The following PDS5A variants were observed in gnomAD, a reference collection of about 807,000 sequenced individuals.
The protein encoded by PDS5A is sister chromatid cohesion protein PDS5 homolog A.
PDS5A carries 42 observed loss-of-function variants against 167.1 expected under a neutral mutation model. The ratio of observed to expected loss-of-function variants is 0.25; its 90% confidence interval spans 0.20 to 0.33. PDS5A has a LOEUF of 0.33. Among genes scored for constraint, PDS5A ranks in the 10% least tolerant of loss-of-function variants. The probability of loss-of-function intolerance (pLI) is 1.00; values close to 1 mark genes in which losing one functional copy is unlikely to be tolerated. For synonymous variants in PDS5A, 553 were observed against 554.6 expected (o/e 1.00, Z 0.04); for missense variants, 1,033 against 1,605.9 (o/e 0.64, Z 6.10).
At chr4:39,844,022 T>C (rs1717325266) in intron 30 of PDS5A, among the ~76,000 whole-genome samples, 1 of 151,836 alleles carries the variant, frequency 6.6e-6, no homozygotes, top group Non-Finnish European at 1.5e-5. Flanking sequence ...TGGTGGTGCA[T>C]GCCTGTAGTC....
chr4:39,873,077 T>C lies in PDS5A; in HGVS notation c.2345A>G (p.His782Arg). The C allele has an allele frequency of 1.9e-6, 3 of 1,559,984 alleles. No individual in the cohort carries two copies. The highest frequency in any genetic ancestry group is 2.6e-6 in the Non-Finnish European group (3 of 1,142,792). Residue 782 changes from histidine (H) to arginine (R), a missense_variant, in exon 21 of 33, where the codon CAC (histidine) becomes CGC (arginine). Physicochemically the swap from His to Arg is conservative, Grantham distance 29 (BLOSUM62 0). Coordinates refer to ENST00000303538, the MANE Select transcript of PDS5A (RefSeq NM_001100399.2). Reference sequence around the variant, plus strand: ...CTGATCTGGTGCTAACATAGAAATGTGGCCCAATGAAACTAATGGAGTTAT... The same window carrying C: ...CTGATCTGGTGCTAACATAGAAATGCGGCCCAATGAAACTAATGGAGTTAT... ...QLITPLVSLG[H>R]ISMLAPDQFA...
chr4:39,914,699 TA>T (rs1175514112), intron 8 of PDS5A, among the ~76,000 whole-genome samples: 2 of 152,324 alleles, frequency 1.3e-5, no homozygotes, highest in Non-Finnish European at 2.9e-5. Context: ...TGCCATGCTT[TA>T]ATGTAAAATA....
intron 14 of PDS5A, among the ~76,000 whole-genome samples, 161 bp from the exon 15 acceptor site, chr4:39,898,986 A>G (rs887553401): frequency 2.0e-5 from 3 of 152,188 alleles, no homozygotes; most frequent in Admixed American, 1.3e-4. Flanking sequence ...TATATACGCT[A>G]AACTAACAAC....
At chr4:39,917,024 A>T in intron 8 of PDS5A, 24 bp downstream of exon 8, 1 of 1,400,066 alleles carries the variant, frequency 7.1e-7, no homozygotes, top group Non-Finnish European at 9.4e-7. Flanking sequence ...TTAAAAAAAA[A>T]AAAAGAAAAC....
At chr4:39,860,277 C>T (rs548387986) in intron 26 of PDS5A, among the ~76,000 whole-genome samples, 107 of 152,040 alleles carry the variant, frequency 7.0e-4, no homozygotes, top group African/African-American at 2.5e-3. Context: ...CCAGCCTGGG[C>T]AACATGGTGA....
rs774740163 is a variant in PDS5A, at chr4:39,837,913, T to A, written c.3953A>T (p.Lys1318Ile). ...GLEAGNAKAP[K>I]LQDLAKKAAP... ...TGCCTTTTTGGCTAAATCTTGCAGT[T>A]TGGGTGCTTTGGCATTACCTGCTTC... The change falls in exon 32 of 33, where the codon AAA (lysine) becomes ATA (isoleucine). Residue 1318 changes from lysine to isoleucine, a missense_variant. This residue lies in a region of PDS5A where 233 missense variants were observed against 264.0 expected (regional missense o/e 0.88). Coordinates refer to ENST00000303538, the MANE Select transcript of PDS5A (RefSeq NM_001100399.2). The A allele has an allele frequency of 1.2e-6, 2 of 1,613,756 alleles. No individual in the cohort carries two copies. The highest frequency in any genetic ancestry group is 8.5e-7 in the Non-Finnish European group (1 of 1,179,870).
chr4:39,888,522 T>C (rs1158757117), intron 17 of PDS5A, among the ~76,000 whole-genome samples: 4 of 152,002 alleles, frequency 2.6e-5, no homozygotes, highest in South Asian at 4.1e-4. Context: ...CTATTCACAA[T>C]AGCCAAATAT....
chr4:39,898,451 G>T lies in PDS5A; in HGVS notation c.1708C>A (p.Arg570=). The change falls in exon 16 of 33, where the codon CGG becomes AGG. Residue 570 remains arginine, a synonymous_variant. Transcript: ENST00000303538. ...CTAATTAATAACTCCAACTGAGACCGAAGTTTCTCATCATCGCCGAGAACC... is the reference window on the plus strand; with the variant it reads ...CTAATTAATAACTCCAACTGAGACCTAAGTTTCTCATCATCGCCGAGAACC... ...NQVLGDDEKL[R]SQLELLISPT... 6.3e-7 allele frequency: 1 copy of T among 1,599,034 alleles called. No homozygotes were observed. Among genetic ancestry groups the T allele is most frequent in the South Asian group, 1.1e-5 (1 of 88,200 alleles).
rs368997067 is a variant in PDS5A at position 39,958,667 on chromosome 4, T to G, written c.138+17773A>C. 9.2e-5 allele frequency among the ~76,000 whole-genome samples: 14 copies of G among 151,398 alleles called. No individual in the cohort carries two copies. In the East Asian group the frequency reaches 1.2e-3, roughly 13 times the overall value. On this transcript the variant is annotated intron_variant, in intron 2 of 32. Transcript: ENST00000303538. The stretch of plus-strand genomic sequence containing the variant: ...TCTCACTCTATCACCTAGGCTGGAG[T>G]GCAGTGGCACAATCTCTGCTCACTG...
Position 39,824,370 on chromosome 4 carries a change from C to A in PDS5A, c.*1115G>T, listed in dbSNP as rs1715093181. On this transcript the variant is annotated 3_prime_UTR_variant, in exon 33 of 33. Transcript: ENST00000303538. Reference sequence around the variant, plus strand: ...AAAAACTTAAATATGATTATGTGTACACATAAAGTGCACACATTACCTATG... The same window carrying A: ...AAAAACTTAAATATGATTATGTGTAAACATAAAGTGCACACATTACCTATG... The A allele has an allele frequency of 6.6e-6, 1 of 152,098 alleles. No individual in the cohort carries two copies. Among genetic ancestry groups the A allele is most frequent in the African/African-American group, 2.4e-5 (1 of 41,428 alleles). The allele number at this position is 152,098 out of a possible 1,614,324, so 9.4% of individuals were successfully genotyped here. A position where few individuals can be genotyped will look rare whatever the true frequency, so the allele number is the denominator to read the frequency against.
At chr4:39,898,230 AAATAG>A in intron 16 of PDS5A, 154 bp downstream of exon 16, 1 of 1,302,212 alleles carries the variant, frequency 7.7e-7, no homozygotes, top group Non-Finnish European at 9.8e-7. Context: ...AGTGAATGGT[AAATAG>A]AGAATTAACT....
intron 11 of PDS5A, among the ~76,000 whole-genome samples, chr4:39,906,917 T>TAAAATAAAAAAAAA (rs1320189136): frequency 7.4e-5 from 4 of 54,034 alleles, no homozygotes; most frequent in Admixed American, 2.0e-4. Context: ...ATTTCTTACA[T>TAAAATAAAAAAAAA]AAAAAAAAAA....
chr4:39,918,859 T>C (rs1340110482), intron 7 of PDS5A, among the ~76,000 whole-genome samples: 2 of 152,048 alleles, frequency 1.3e-5, no homozygotes, highest in Non-Finnish European at 2.9e-5. Flanking sequence ...TCTCTAATCA[T>C]TCCCACTGGA....
At position 39,973,999 on chromosome 4, in the gene PDS5A, G is replaced by A. The variant is rs576778038; in HGVS notation, c.138+2441C>T. Reference sequence around the variant, plus strand: ...AAATTAGCCGGGCATGATGGCGGGCGCCCGTGGTCCCAGCTACTCGGGAGG... The same window carrying A: ...AAATTAGCCGGGCATGATGGCGGGCACCCGTGGTCCCAGCTACTCGGGAGG... On this transcript the variant is annotated intron_variant, in intron 2 of 32. Coordinates refer to ENST00000303538, the MANE Select transcript of PDS5A (RefSeq NM_001100399.2). 514 of 457,024 alleles carry A rather than the reference G, an allele frequency of 1.1e-3. 17 individuals carry two copies. Among genetic ancestry groups the A allele is most frequent in the South Asian group, 9.6e-3 (488 of 50,714 alleles). The allele number at this position is 457,024 out of a possible 1,614,324, so 28.3% of individuals were successfully genotyped here.
In PDS5A at chr4:39,844,775, T is replaced by C. The variant is rs373663361; in HGVS notation, c.3429A>G (p.Ala1143=). 79 of 1,612,336 alleles carry C rather than the reference T, an allele frequency of 4.9e-5. No homozygotes were observed. In the African/African-American group the frequency reaches 8.7e-4, roughly 18 times the overall value. Residue 1143 remains alanine, a synonymous_variant, in exon 30 of 33, where the codon GCA becomes GCG. Coordinates refer to ENST00000303538, the MANE Select transcript of PDS5A (RefSeq NM_001100399.2). ...CCGTTGCTGATAAAGGCTTATTTAC[T>C]GCACCTAGTACTCCAGCAGGCTTTG... ...GKPKPAGVLG[A]VNKPLSATGR... is the part of the protein sequence containing the mutation.
chr4:39,837,964 A>C lies in PDS5A; in HGVS notation c.3902T>G (p.Val1301Gly). The C allele has an allele frequency of 1.9e-6, 3 of 1,614,002 alleles. No homozygotes were observed. Among genetic ancestry groups the C allele is most frequent in the Non-Finnish European group, 2.5e-6 (3 of 1,179,872 alleles). The change falls in exon 32 of 33, where the codon GTG becomes GGG. Residue 1301 changes from valine (V) to glycine (G), a missense_variant. Coordinates refer to ENST00000303538, the MANE Select transcript of PDS5A (RefSeq NM_001100399.2). ...CAAACCCCCAGGGCTCTCCTGACCC[A>C]CTGCAGCTCTCTTCCTTCCCTTGTT... ...PINKGRKRAA[V>G]GQESPGGLEA... is the part of the protein sequence containing the mutation.
At chr4:39,832,828 A>G (rs1716027730) in intron 32 of PDS5A, among the ~76,000 whole-genome samples, 1 of 151,934 alleles carries the variant, frequency 6.6e-6, no homozygotes. Context: ...ACTGCACTCC[A>G]GCCTGAGTGA....
At chr4:39,885,101 A>C (rs988914632) in intron 17 of PDS5A, among the ~76,000 whole-genome samples, 1 of 151,544 alleles carries the variant, frequency 6.6e-6, no homozygotes, top group Non-Finnish European at 1.5e-5. Flanking sequence ...TGCTCTACTA[A>C]AAATACAAAA....
intron 2 of PDS5A, chr4:39,973,315 C>T: frequency 6.2e-7 from 1 of 1,607,182 alleles, no homozygotes; most frequent in Non-Finnish European, 8.5e-7. Flanking sequence ...AGGTTCCTGA[C>T]CTTGTACATG....
Sources: allele counts gnomAD v4.1 joint callset (sites outside exome capture counted in the v4.1 genomes callset), GRCh38; gene constraint gnomAD v4.1.1; regional missense constraint gnomAD v4.1.1; transcripts MANE v1.5; gene names NCBI Gene and HGNC (gene_info 2026-07-23, HGNC 2026-07-21).